The following COL21A1 variants were observed in gnomAD, a reference collection of about 807,000 sequenced individuals.
COL21A1 encodes the protein collagen alpha-1(XXI) chain.
Under a neutral mutation model 137.9 loss-of-function variants are expected in COL21A1, and 149 were observed. That is an observed-to-expected ratio of 1.08 (90% CI 0.95 to 1.24). The LOEUF is 1.24. Ranked by LOEUF, COL21A1 falls within the 50% of genes most tolerant of loss-of-function variation. COL21A1 has a pLI of 0.00. For synonymous variants in COL21A1, 456 were observed against 391.5 expected, an observed-to-expected ratio of 1.16 and a Z score of -1.95; for missense variants, 1,167 against 1,158.4, an observed-to-expected ratio of 1.01 and a Z score of -0.11.
At chr6:56,122,085 G>GTACTACCAA (rs1772594359) in intron 16 of COL21A1, among the ~76,000 whole-genome samples, 1 of 152,062 alleles carries the variant, frequency 6.6e-6, no homozygotes, top group South Asian at 2.1e-4. Flanking sequence ...AAGGAATGAA[G>GTACTACCAA]TACTACCGAT....
chr6:56,306,752 A>T (rs1482827611), intron 1 of COL21A1, among the ~76,000 whole-genome samples: 1 of 84,836 alleles, frequency 1.2e-5, no homozygotes, highest in East Asian at 3.9e-4. Flanking sequence ...TTCTCCATCC[A>T]GCTTTGTTCC....
At chr6:56,110,663 C>G (rs573095379) in intron 16 of COL21A1, among the ~76,000 whole-genome samples, 3 of 151,710 alleles carry the variant, frequency 2.0e-5, no homozygotes, top group African/African-American at 7.3e-5. Context: ...AATCAATATA[C>G]CAAAACTAAC....
intron 13 of COL21A1, 99 bp downstream of exon 13, chr6:56,125,997 T>A (rs1214533613): frequency 1.5e-5 from 10 of 670,588 alleles, no homozygotes; most frequent in Non-Finnish European, 2.5e-5. Flanking sequence ...TCTAATTATA[T>A]ATGAACATTT....
intron 1 of COL21A1, among the ~76,000 whole-genome samples, chr6:56,271,409 C>T (rs1763522342): frequency 6.6e-6 from 1 of 152,100 alleles, no homozygotes; most frequent in African/African-American, 2.4e-5. Context: ...AAGAGGTGAC[C>T]TAGCTTATTA....
Position 56,179,949 on chromosome 6 carries a change from G to A in COL21A1, c.269C>T (p.Pro90Leu). 2.5e-6 allele frequency: 4 copies of A among 1,613,906 alleles called. No homozygotes were observed. Among genetic ancestry groups the A allele is most frequent in the Non-Finnish European group, 3.4e-6 (4 of 1,179,858 alleles). ...TTCTCCTGAATCATAGCTTCCGAGA[G>A]GAATCTCCAGCACAGGGTAGTCACT... ...QYSDYPVLEIPLGSYDSGEHL... is the reference protein window; with the variant it reads ...QYSDYPVLEILLGSYDSGEHL... Residue 90 changes from proline to leucine, a missense_variant, in exon 3 of 30, where the codon CCT becomes CTT. Pro to Leu is a moderately conservative substitution (Grantham distance 98, BLOSUM62 -3). Transcript: ENST00000244728.
intron 16 of COL21A1, among the ~76,000 whole-genome samples, chr6:56,121,510 G>GTATATA: frequency 8.7e-6 from 1 of 115,316 alleles, no homozygotes; most frequent in South Asian, 2.7e-4. Context: ...ATATTCATAT[G>GTATATA]TGTATATATA....
At chr6:56,128,191 A>G (rs538775371) in intron 12 of COL21A1, among the ~76,000 whole-genome samples, 1 of 152,254 alleles carries the variant, frequency 6.6e-6, no homozygotes, top group African/African-American at 2.4e-5. Flanking sequence ...GTTAAGCTCA[A>G]TGGTGTGATG....
intron 17 of COL21A1, among the ~76,000 whole-genome samples, chr6:56,081,132 C>CT (rs1234486073): frequency 6.6e-6 from 1 of 151,878 alleles, no homozygotes; most frequent in Non-Finnish European, 1.5e-5. Flanking sequence ...ATTTTTATAA[C>CT]TGTCTCTTCA....
chr6:56,333,510 T>G (rs913351933), intron 1 of COL21A1, among the ~76,000 whole-genome samples: 4 of 152,114 alleles, frequency 2.6e-5, no homozygotes, highest in African/African-American at 9.7e-5. Context: ...TATAAATATA[T>G]CACAATCATT....
intron 1 of COL21A1, among the ~76,000 whole-genome samples, chr6:56,315,553 C>T (rs138459830): frequency 9.4e-4 from 143 of 152,176 alleles, no homozygotes; most frequent in Middle Eastern, 3.4e-3. Context: ...TTGAATCTCC[C>T]ATTTCCAAAC....
chr6:56,099,014 C>CTTCACATCCTAAATTA (rs1770176175), intron 17 of COL21A1, among the ~76,000 whole-genome samples: 1 of 150,748 alleles, frequency 6.6e-6, no homozygotes, highest in Non-Finnish European at 1.5e-5. Context: ...TGCACCCGGC[C>CTTCACATCCTAAATTA]TATGTTTAAT....
intron 1 of COL21A1, among the ~76,000 whole-genome samples, chr6:56,243,572 A>G (rs1356741364): frequency 3.9e-5 from 6 of 152,192 alleles, no homozygotes; most frequent in East Asian, 1.9e-4. Flanking sequence ...TTAAGGCCCA[A>G]AGTAAAATAA....
chr6:56,375,021 C>A (rs1203349020), intron 1 of COL21A1, among the ~76,000 whole-genome samples: 1 of 152,212 alleles, frequency 6.6e-6, no homozygotes, highest in Non-Finnish European at 1.5e-5. Flanking sequence ...AATCCCACCA[C>A]ATGCCTGAGT....
intron 1 of COL21A1, among the ~76,000 whole-genome samples, chr6:56,351,111 A>G (rs1765701963): frequency 6.6e-6 from 1 of 152,228 alleles, no homozygotes; most frequent in Non-Finnish European, 1.5e-5. Context: ...CTAACAACCT[A>G]GCAAGGACTC....
intron 1 of COL21A1, among the ~76,000 whole-genome samples, chr6:56,346,506 C>T (rs184594627): frequency 4.6e-5 from 7 of 152,274 alleles, no homozygotes; most frequent in African/African-American, 1.7e-4. Flanking sequence ...TTGGCTCTAC[C>T]TTGTCAATAT....
chr6:56,247,167 A>G (rs938261145), intron 1 of COL21A1, among the ~76,000 whole-genome samples: 4 of 152,236 alleles, frequency 2.6e-5, no homozygotes, highest in African/African-American at 9.6e-5. Flanking sequence ...ACCTCCCAAG[A>G]TTCATTAACA....
chr6:56,078,151 G>C, intron 17 of COL21A1: 2 of 455,846 alleles, frequency 4.4e-6, no homozygotes, highest in Non-Finnish European at 8.8e-6. Context: ...AAGAAGTACA[G>C]GTCACTCTTT....
intron 1 of COL21A1, among the ~76,000 whole-genome samples, chr6:56,275,682 C>CA (rs1348611799): frequency 1.3e-5 from 2 of 151,888 alleles, no homozygotes; most frequent in African/African-American, 4.8e-5. Context: ...GATACCATCT[C>CA]ACACCAGTCA....
In COL21A1 at chr6:56,060,727, T is replaced by C. The variant is rs777451095; in HGVS notation, c.2407+14A>G. ...TTTGAGAAAAGTTATTAAAATGCTA[T>C]ATTTGATACCTACCTCTTATTACAT... On this transcript the variant is annotated intron_variant, in intron 27 of 29. Coordinates refer to ENST00000244728, the MANE Select transcript of COL21A1 (RefSeq NM_030820.4). 2 of 1,586,276 alleles carry C rather than the reference T, an allele frequency of 1.3e-6. No individual in the cohort carries two copies. The highest frequency in any genetic ancestry group is 1.2e-5 in the South Asian group (1 of 86,412).
Sources: allele counts gnomAD v4.1 joint callset (sites outside exome capture counted in the v4.1 genomes callset), GRCh38; gene constraint gnomAD v4.1.1; transcripts MANE v1.5; gene names NCBI Gene and HGNC (gene_info 2026-07-23, HGNC 2026-07-21).